The following BCAS3 variants were observed in gnomAD, a reference collection of about 807,000 sequenced individuals.
BCAS3 encodes BCAS4/BCAS3 fusion.
BCAS3 carries 53 observed loss-of-function variants against 116.1 expected under a neutral mutation model. The ratio of observed to expected loss-of-function variants is 0.46; its 90% CI spans 0.37 to 0.57. The LOEUF (loss-of-function observed/expected upper bound fraction) is 0.57. Among genes scored for constraint, BCAS3 ranks in the 20% least tolerant of loss-of-function variants. The probability of loss-of-function intolerance (pLI) is 0.00; values close to 1 mark genes in which losing one functional copy is unlikely to be tolerated. For missense variants in BCAS3, 917 were observed against 1,165.4 expected (o/e 0.79, Z 3.10); for synonymous variants, 391 against 408.2 (o/e 0.96, Z 0.51).
intron 15 of BCAS3, among the ~76,000 whole-genome samples, chr17:61,005,498 T>C (rs755645718): frequency 1.3e-5 from 2 of 152,268 alleles, no homozygotes; most frequent in African/African-American, 2.4e-5. Context: ...TTTCGTACTG[T>C]ACTCCCATCT....
At chr17:60,839,790 A>G (rs956215091) in intron 7 of BCAS3, among the ~76,000 whole-genome samples, 5 of 152,258 alleles carry the variant, frequency 3.3e-5, no homozygotes, top group South Asian at 4.2e-4. Context: ...AAGTGTTTCC[A>G]TGCTTCTTGC....
At chr17:60,915,438 C>A (rs572668430) in intron 12 of BCAS3, among the ~76,000 whole-genome samples, 3 of 152,106 alleles carry the variant, frequency 2.0e-5, no homozygotes, top group African/African-American at 7.2e-5. Context: ...AGTTAAGATA[C>A]AGGACTGTTC....
At chr17:61,255,973 T>C (rs2048747447) in intron 22 of BCAS3, among the ~76,000 whole-genome samples, 1 of 152,186 alleles carries the variant, frequency 6.6e-6, no homozygotes, top group Non-Finnish European at 1.5e-5. Flanking sequence ...CCCCTGAAAA[T>C]TGAGTCTCGT....
At chr17:60,911,712 G>A (rs1311554089) in intron 12 of BCAS3, among the ~76,000 whole-genome samples, 5 of 152,198 alleles carry the variant, frequency 3.3e-5, no homozygotes, top group African/African-American at 9.6e-5. Context: ...TAGGATTACA[G>A]GCATGAGCCA....
chr17:61,336,057 C>T (rs1292942782), intron 22 of BCAS3, among the ~76,000 whole-genome samples: 7 of 152,266 alleles, frequency 4.6e-5, no homozygotes, highest in Non-Finnish European at 7.3e-5. Flanking sequence ...TTTCCTTTCG[C>T]GCCTCCAGCT....
chr17:61,062,654 A>G (rs2070186746), intron 19 of BCAS3, among the ~76,000 whole-genome samples: 1 of 152,212 alleles, frequency 6.6e-6, no homozygotes, highest in African/African-American at 2.4e-5. Flanking sequence ...GTTAAAAGAT[A>G]CAAATTAAAA....
intron 22 of BCAS3, among the ~76,000 whole-genome samples, chr17:61,116,289 T>G (rs1568387083): frequency 6.6e-6 from 1 of 151,530 alleles, no homozygotes; most frequent in African/African-American, 2.4e-5. Flanking sequence ...AAAATAAAAA[T>G]TATGATCCTT....
intron 9 of BCAS3, among the ~76,000 whole-genome samples, chr17:60,882,318 T>G (rs939774436): frequency 4.1e-4 from 60 of 147,208 alleles, no homozygotes; most frequent in African/African-American, 1.4e-3. Flanking sequence ...TTTGTTTGAG[T>G]TCATTGTAGA....
intron 14 of BCAS3, among the ~76,000 whole-genome samples, chr17:60,975,026 G>T (rs997052237): frequency 7.0e-6 from 1 of 142,820 alleles, no homozygotes; most frequent in Non-Finnish European, 1.5e-5. Context: ...ACGGAGTCTC[G>T]CTCTGTCGCC....
At chr17:61,062,593 G>C (rs1208833343) in intron 19 of BCAS3, among the ~76,000 whole-genome samples, 1 of 152,172 alleles carries the variant, frequency 6.6e-6, no homozygotes, top group Non-Finnish European at 1.5e-5. Context: ...TATTGTGTGT[G>C]TCTCTCCAGG....
At chr17:61,025,589 C>T (rs1235719060) in intron 16 of BCAS3, among the ~76,000 whole-genome samples, 1 of 152,042 alleles carries the variant, frequency 6.6e-6, no homozygotes, top group African/African-American at 2.4e-5. Flanking sequence ...TCTATGGGTT[C>T]ACAGTCAAAA....
At chr17:60,944,787 A>G (rs1318235298) in intron 13 of BCAS3, among the ~76,000 whole-genome samples, 1 of 152,182 alleles carries the variant, frequency 6.6e-6, no homozygotes, top group African/African-American at 2.4e-5. Context: ...TAATCATTTC[A>G]ATAGCTGCAG....
At position 61,196,107 on chromosome 17, in the gene BCAS3, T is replaced by C. The variant is rs2080462691; in HGVS notation, c.2425+111543T>C. Among the ~76,000 whole-genome samples, 1 of 152,246 alleles carries C rather than the reference T, an allele frequency of 6.6e-6. No individual in the cohort carries two copies. Among genetic ancestry groups the C allele is most frequent in the Non-Finnish European group, 1.5e-5 (1 of 68,042 alleles). On this transcript the variant is annotated intron_variant, in intron 22 of 23. Transcript: ENST00000407086. This position sits in a 1 kb window ranked among gnomAD's most constrained non-coding sequence, Gnocchi z 4.7. ...TTTGCAGATCTATCTAGACAACTTC[T>C]GAGGTTTATTCAAGCCTCATTTGTT...
At chr17:60,946,004 C>T (rs1473919776) in intron 13 of BCAS3, among the ~76,000 whole-genome samples, 1 of 152,052 alleles carries the variant, frequency 6.6e-6, no homozygotes, top group Non-Finnish European at 1.5e-5. Context: ...CCTGTAGTCC[C>T]AGCTACTTGG....
intron 5 of BCAS3, among the ~76,000 whole-genome samples, chr17:60,725,304 A>G (rs2039704523): frequency 6.6e-6 from 1 of 152,176 alleles, no homozygotes; most frequent in South Asian, 2.1e-4. Flanking sequence ...AATCTGAGAA[A>G]GTCCCAAAAT....
chr17:61,227,156 C>G lies in BCAS3; in HGVS notation c.2426-141171C>G, dbSNP rs1454348403. Among the ~76,000 whole-genome samples, 1 of 152,196 alleles carries G rather than the reference C, an allele frequency of 6.6e-6. No homozygotes were observed. Among genetic ancestry groups the G allele is most frequent in the Non-Finnish European group, 1.5e-5 (1 of 68,034 alleles). On this transcript the variant is annotated intron_variant, in intron 22 of 23. Coordinates refer to ENST00000407086, the MANE Select transcript of BCAS3 (RefSeq NM_017679.5). This position sits in a 1 kb window ranked among gnomAD's most constrained non-coding sequence, Gnocchi z 6.1. Reference sequence around the variant, plus strand: ...GAACTGATTTTGGCTAGAGCCTTTTCTTGTCTAGGAATGGAGGAATTACCT... The same window carrying G: ...GAACTGATTTTGGCTAGAGCCTTTTGTTGTCTAGGAATGGAGGAATTACCT...
intron 14 of BCAS3, among the ~76,000 whole-genome samples, chr17:60,976,020 C>CTTTTTTATTTTTTT (rs2062326789): frequency 1.0e-5 from 1 of 98,286 alleles, no homozygotes; most frequent in Non-Finnish European, 1.8e-5. Context: ...TAGATTTTTG[C>CTTTTTTATTTTTTT]TTTTTTTTTT....
intron 22 of BCAS3, among the ~76,000 whole-genome samples, chr17:61,209,182 GA>G (rs11296492): frequency 0.77 from 108,456 of 140,866 alleles, 42,468 homozygotes; most frequent in East Asian, 0.98. Flanking sequence ...AACAGCTAGT[GA>G]AAAAAAAAAA....
chr17:60,961,207 A>T lies in BCAS3; in HGVS notation c.1221+13855A>T, dbSNP rs2061396499. 6.6e-6 allele frequency among the ~76,000 whole-genome samples: 1 copy of T among 152,202 alleles called. No individual in the cohort carries two copies. The highest frequency in any genetic ancestry group is 1.5e-5 in the Non-Finnish European group (1 of 68,042). ...CAGGGAGAAATTTTGAAAAACTTATATCATAAATTTTGTCATTTAGCTATG... is the reference window on the plus strand; with the variant it reads ...CAGGGAGAAATTTTGAAAAACTTATTTCATAAATTTTGTCATTTAGCTATG... On this transcript the variant is annotated intron_variant, in intron 14 of 23. Transcript: ENST00000407086. This position sits in a 1 kb window ranked among gnomAD's most constrained non-coding sequence, Gnocchi z 4.8.
Sources: allele counts gnomAD v4.1 joint callset (sites outside exome capture counted in the v4.1 genomes callset), GRCh38; gene constraint gnomAD v4.1.1; non-coding constraint Gnocchi (gnomAD v3.1); transcripts MANE v1.5; gene names NCBI Gene and HGNC (gene_info 2026-07-23, HGNC 2026-07-21).